BLNK: variants seen among roughly 807,000 people sequenced by gnomAD.
BLNK encodes the protein B cell linker, also known as B-cell linker protein.
Under a neutral mutation model 73.5 loss-of-function variants are expected in BLNK, and 29 were observed. The ratio of observed to expected loss-of-function variants is 0.39; its 90% CI spans 0.29 to 0.54. BLNK has a LOEUF of 0.54. Among genes scored for constraint, BLNK ranks in the 20% least tolerant of loss-of-function variants. The pLI, the probability that BLNK is intolerant of heterozygous loss-of-function variation, is 0.61. For synonymous variants in BLNK, 176 were observed against 200.8 expected, an observed-to-expected ratio of 0.88 and a Z score of 1.04; for missense variants, 460 against 562.8, an observed-to-expected ratio of 0.82 and a Z score of 1.85.
chr10:96,233,601 G>T (rs782116930), intron 3 of BLNK, among the ~76,000 whole-genome samples: 1 of 152,124 alleles, frequency 6.6e-6, no homozygotes, highest in Non-Finnish European at 1.5e-5. Flanking sequence ...TGCTCTGCTC[G>T]TGCCGTTCCT....
At chr10:96,242,215 G>A (rs1470520230) in intron 3 of BLNK, among the ~76,000 whole-genome samples, 2 of 152,128 alleles carry the variant, frequency 1.3e-5, no homozygotes, top group Non-Finnish European at 2.9e-5. Flanking sequence ...TTTTATCCAG[G>A]GTTTCCCCTT....
chr10:96,232,282 C>T (rs587663465), intron 3 of BLNK, among the ~76,000 whole-genome samples: 4 of 151,476 alleles, frequency 2.6e-5, no homozygotes, highest in Admixed American at 6.6e-5. Context: ...TCAACAGAAC[C>T]TTTTCTAGTT....
At chr10:96,203,196 G>A (rs1347179732) in intron 13 of BLNK, among the ~76,000 whole-genome samples, 1 of 151,880 alleles carries the variant, frequency 6.6e-6, no homozygotes, top group Non-Finnish European at 1.5e-5. Flanking sequence ...TGAATGACTT[G>A]GTTTGAAAAA....
rs1554896001 is a variant in BLNK at position 96,201,021 on chromosome 10, G to A, written c.972C>T (p.Pro324=). 10 of 1,613,968 alleles carry A rather than the reference G, an allele frequency of 6.2e-6. No homozygotes were observed. Among genetic ancestry groups the A allele is most frequent in the Non-Finnish European group, 8.5e-6 (10 of 1,180,000 alleles). Residue 324 remains proline, a synonymous_variant, in exon 14 of 17, where the codon CCC becomes CCT. Coordinates refer to ENST00000224337, the MANE Select transcript of BLNK (RefSeq NM_013314.4). The part of the protein sequence containing the change: ...TEGGNPTVDG[P]LPSFSSNSTI... ...TGGAATTAGATGAAAAGCTGGGTAG[G>A]GGCCCATCCACAGTTGGGTTTCCCC...
Position 96,223,987 on chromosome 10 carries a change from T to C in BLNK, c.364A>G (p.Asn122Asp), listed in dbSNP as rs1669492829. The change falls in exon 6 of 17, where the codon AAT becomes GAT. Residue 122 changes from asparagine (N) to aspartate (D), a missense_variant and splice_region_variant. This residue lies in a region of BLNK where 139 missense variants were observed against 187.3 expected (regional missense o/e 0.74). Transcript: ENST00000224337. ...GGGGAATGCCTCTGGCTTGATCGAT[T>C]GTCTTGAAAGGAACAAACAAAAAAC... ...LPFARGEYID[N>D]RSSQRHSPPF... is the part of the protein sequence containing the mutation. The C allele has an allele frequency of 6.2e-7, 1 of 1,612,728 alleles. No individual in the cohort carries two copies. The highest frequency in any genetic ancestry group is 8.5e-7 in the Non-Finnish European group (1 of 1,180,008).
At chr10:96,248,728 T>C (rs1372386430) in intron 1 of BLNK, among the ~76,000 whole-genome samples, 1 of 152,166 alleles carries the variant, frequency 6.6e-6, no homozygotes, top group Non-Finnish European at 1.5e-5. Context: ...AACCCAATGC[T>C]CATTAATCAT....
chr10:96,218,639 A>T (rs1554900371), intron 6 of BLNK, among the ~76,000 whole-genome samples: 7 of 150,758 alleles, frequency 4.6e-5, no homozygotes, highest in Admixed American at 2.7e-4. Context: ...GGCTGCAGTG[A>T]GTTGTGATTG....
Position 96,201,222 on chromosome 10 carries a change from C to T in BLNK, c.935-164G>A, listed in dbSNP as rs190232440. On this transcript the variant is annotated intron_variant, in intron 13 of 16. Transcript: ENST00000224337. ...GTGGTCCAAGGACCCCTGGAAATCT[C>T]GAAAATCCTTTCAGGTGGTTCAAGA... 2.2e-4 allele frequency among the ~76,000 whole-genome samples: 33 copies of T among 152,242 alleles called. 1 individual carries two copies. The highest frequency in any genetic ancestry group is 2.0e-3 in the Admixed American group (31 of 15,292).
intron 13 of BLNK, 118 bp downstream of exon 13, chr10:96,203,939 A>G (rs1564816435): frequency 4.0e-6 from 3 of 756,824 alleles, no homozygotes; most frequent in Non-Finnish European, 2.3e-6. Flanking sequence ...CAAGTGGGAG[A>G]AGATGCCAGG....
chr10:96,257,850 A>G (rs782465593), intron 1 of BLNK, among the ~76,000 whole-genome samples: 30 of 152,206 alleles, frequency 2.0e-4, no homozygotes, highest in Admixed American at 1.2e-3. Flanking sequence ...ACCTTATCAC[A>G]TGACAGAAAC....
intron 1 of BLNK, 72 bp downstream of exon 1, chr10:96,271,280 T>C: frequency 6.6e-7 from 1 of 1,526,106 alleles, no homozygotes; most frequent in Admixed American, 1.7e-5. Flanking sequence ...TTTCAGTATT[T>C]CTGAGATGCC....
intron 6 of BLNK, among the ~76,000 whole-genome samples, chr10:96,219,627 C>T (rs1408150832): frequency 2.0e-5 from 3 of 152,166 alleles, no homozygotes; most frequent in African/African-American, 7.2e-5. Flanking sequence ...TAATTTTGTA[C>T]TTGTTTTGTT....
chr10:96,249,274 G>A (rs918074319), intron 1 of BLNK, among the ~76,000 whole-genome samples: 8 of 152,228 alleles, frequency 5.3e-5, no homozygotes, highest in African/African-American at 1.9e-4. Context: ...TGTTGGTTGA[G>A]GACATCTGGG....
chr10:96,197,151 A>G (rs782452195), intron 15 of BLNK, 88 bp from the exon 16 acceptor site: 1 of 965,278 alleles, frequency 1.0e-6, no homozygotes, highest in South Asian at 1.6e-5. Context: ...AAGAACACCT[A>G]TATTACATTC....
chr10:96,246,407 C>T (rs1463774401), intron 2 of BLNK, among the ~76,000 whole-genome samples: 1 of 152,148 alleles, frequency 6.6e-6, no homozygotes, highest in African/African-American at 2.4e-5. Flanking sequence ...ACAAAATTAG[C>T]CAGGTATGCT....
At chr10:96,241,659 A>G (rs1002334480) in intron 3 of BLNK, among the ~76,000 whole-genome samples, 6 of 152,022 alleles carry the variant, frequency 3.9e-5, no homozygotes, top group Non-Finnish European at 8.8e-5. Context: ...GATTAGATTC[A>G]TTAGTGCTGC....
intron 15 of BLNK, among the ~76,000 whole-genome samples, chr10:96,199,068 A>G (rs1841977011): frequency 6.6e-6 from 1 of 152,208 alleles, no homozygotes; most frequent in Admixed American, 6.5e-5. Flanking sequence ...AGAATCTACT[A>G]CAGGTACACT....
chr10:96,191,990 C>T lies in BLNK; in HGVS notation c.1354G>A (p.Ala452Thr). Residue 452 changes from alanine (A) to threonine (T), a missense_variant, in exon 17 of 17, where the codon GCA (alanine) becomes ACA (threonine). Physicochemically the swap from Ala to Thr is moderately conservative, Grantham distance 58 (BLOSUM62 0). Coordinates refer to ENST00000224337, the MANE Select transcript of BLNK (RefSeq NM_013314.4). ...TTCCCCCTTTATGAAACTTTAACTG[C>T]ATACTTCAGTCTGGTGGAATCTTTT... ...NTKDSTRLKY[A>T]VKVS 6.2e-7 allele frequency: 1 copy of T among 1,613,678 alleles called. No homozygotes were observed.
At chr10:96,268,365 T>C (rs1207581580) in intron 1 of BLNK, among the ~76,000 whole-genome samples, 3 of 152,230 alleles carry the variant, frequency 2.0e-5, no homozygotes, top group Non-Finnish European at 2.9e-5. Context: ...TGTGGAACGA[T>C]TGAAACCCAG....
Sources: gnomAD v4.1 joint callset for allele counts (sites outside exome capture counted in the v4.1 genomes callset) on GRCh38, gnomAD v4.1.1 for gene constraint, gnomAD v4.1.1 regional missense constraint, MANE v1.5 for transcripts, NCBI Gene and HGNC (gene_info 2026-07-23, HGNC 2026-07-21) for gene names.